FRMD4A: variants seen among roughly 807,000 people sequenced by gnomAD.
The protein encoded by FRMD4A is FERM domain containing 4A.
Under a neutral mutation model 129.1 loss-of-function variants are expected in FRMD4A, and 29 were observed. That is an observed-to-expected ratio of 0.22 (90% CI 0.17 to 0.31). FRMD4A has a LOEUF of 0.31. Ranked by LOEUF, FRMD4A falls within the 10% of genes least tolerant of loss-of-function variation. The pLI, the probability that FRMD4A is intolerant of heterozygous loss-of-function variation, is 1.00. For synonymous variants in FRMD4A, 634 were observed against 571.6 expected, an observed-to-expected ratio of 1.11 and a Z score of -1.56; for missense variants, 1,272 against 1,375.8, an observed-to-expected ratio of 0.92 and a Z score of 1.19.
intron 9 of FRMD4A, among the ~76,000 whole-genome samples, chr10:13,743,354 C>T (rs965908134): frequency 6.6e-6 from 1 of 152,182 alleles, no homozygotes; most frequent in African/African-American, 2.4e-5. Context: ...AAATCAACAG[C>T]TGCCTTGGCG....
At chr10:13,992,463 G>A (rs1211116760) in intron 2 of FRMD4A, among the ~76,000 whole-genome samples, 2 of 152,148 alleles carry the variant, frequency 1.3e-5, no homozygotes, top group African/African-American at 2.4e-5. Flanking sequence ...CCACCTCCAT[G>A]TCCTGCCTAA....
intron 3 of FRMD4A, among the ~76,000 whole-genome samples, chr10:13,820,056 A>G (rs768615691): frequency 6.6e-6 from 1 of 152,134 alleles, no homozygotes; most frequent in Non-Finnish European, 1.5e-5. Flanking sequence ...TACAGGAGAG[A>G]AGACAGAGGC....
intron 2 of FRMD4A, among the ~76,000 whole-genome samples, chr10:14,324,067 A>G (rs184353368): frequency 4.6e-5 from 7 of 152,358 alleles, no homozygotes; most frequent in African/African-American, 1.7e-4. Context: ...CCCTGGTCAC[A>G]TCAGTCAGTA....
intron 23 of FRMD4A, 150 bp from the exon 24 acceptor site, chr10:13,652,124 T>A (rs997008431): frequency 1.5e-6 from 1 of 666,090 alleles, no homozygotes; most frequent in Non-Finnish European, 2.8e-6. Context: ...ATACAAGTCA[T>A]GCAGTACTTT....
chr10:13,879,964 T>C (rs554001946), intron 2 of FRMD4A, among the ~76,000 whole-genome samples: 1 of 151,848 alleles, frequency 6.6e-6, no homozygotes, highest in Non-Finnish European at 1.5e-5. Flanking sequence ...TACATTATAT[T>C]CTTATTATTT....
intron 2 of FRMD4A, among the ~76,000 whole-genome samples, chr10:14,314,949 GTT>G: frequency 6.7e-6 from 1 of 150,034 alleles, no homozygotes; most frequent in Admixed American, 6.6e-5. Context: ...CTTATATATA[GTT>G]TTTTTTTTAA....
chr10:13,776,380 G>C (rs2092597031), intron 6 of FRMD4A, among the ~76,000 whole-genome samples: 1 of 152,180 alleles, frequency 6.6e-6, no homozygotes, highest in African/African-American at 2.4e-5. Context: ...CAAAGTGCTG[G>C]TATTATAGGT....
At chr10:13,787,643 G>A (rs975376643) in intron 5 of FRMD4A, among the ~76,000 whole-genome samples, 1 of 151,850 alleles carries the variant, frequency 6.6e-6, no homozygotes, top group East Asian at 1.9e-4. Context: ...ATTTTCTGTC[G>A]AGATGGGGTC....
chr10:13,770,699 C>A (rs771326275), intron 6 of FRMD4A, among the ~76,000 whole-genome samples: 23 of 152,174 alleles, frequency 1.5e-4, no homozygotes, highest in Non-Finnish European at 2.6e-4. Flanking sequence ...CTGCCTTGGC[C>A]TCCCAAAGTG....
chr10:14,238,346 T>TCTTAA (rs1158709413), intron 2 of FRMD4A, among the ~76,000 whole-genome samples: 1 of 152,168 alleles, frequency 6.6e-6, no homozygotes, highest in African/African-American at 2.4e-5. Context: ...CAGGCCTGAG[T>TCTTAA]CTTAACCACT....
At chr10:13,784,826 A>G (rs1269468556) in intron 5 of FRMD4A, among the ~76,000 whole-genome samples, 1 of 152,086 alleles carries the variant, frequency 6.6e-6, no homozygotes, top group East Asian at 1.9e-4. Context: ...CCCTGTCTCT[A>G]CTAAAAATAC....
In FRMD4A at chr10:14,198,542, T is replaced by C. The variant is rs149324652; in HGVS notation, c.45+131516A>G. ...AAGCCAATTTCACAGGAGACTTGAC[T>C]GATTCCCTGGATCCTTGAGTTTTGC... On this transcript the variant is annotated intron_variant, in intron 2 of 24. Transcript: ENST00000357447. Among the ~76,000 whole-genome samples, 20 of 152,380 alleles carry C rather than the reference T, an allele frequency of 1.3e-4. 1 individual carries two copies. The East Asian group carries it at 3.9e-3, about 29-fold the overall frequency.
intron 12 of FRMD4A, among the ~76,000 whole-genome samples, chr10:13,726,150 C>T (rs987271479): frequency 3.3e-5 from 5 of 152,048 alleles, no homozygotes; most frequent in East Asian, 1.9e-4. Flanking sequence ...TGCACACGCC[C>T]GTGGCTCCAG....
chr10:13,923,686 C>T (rs1432963886), intron 2 of FRMD4A, among the ~76,000 whole-genome samples: 1 of 152,010 alleles, frequency 6.6e-6, no homozygotes, highest in Non-Finnish European at 1.5e-5. Flanking sequence ...TTTTTAAAAC[C>T]TGGACTATTG....
Position 13,875,966 on chromosome 10 carries a change from C to T in FRMD4A, c.46-17054G>A, listed in dbSNP as rs1373219108. Among the ~76,000 whole-genome samples, 10 of 152,236 alleles carry T rather than the reference C, an allele frequency of 6.6e-5. No homozygotes were observed. In the East Asian group the frequency reaches 1.2e-3, roughly 18 times the overall value. On this transcript the variant is annotated intron_variant, in intron 2 of 24. Transcript: ENST00000357447. ...GGTGGGTTAACTTTGCTTTGGTGGG[C>T]AAAAAATAGACCCAATGAGGGGAAA... is the stretch of plus-strand genomic sequence containing the variant.
At chr10:13,648,925 A>G (rs2081329192) in intron 24 of FRMD4A, among the ~76,000 whole-genome samples, 3 of 152,162 alleles carry the variant, frequency 2.0e-5, no homozygotes, top group African/African-American at 7.2e-5. Flanking sequence ...TCTGAGGGGA[A>G]AAAAAGCTTC....
At chr10:13,912,058 A>C (rs974875857) in intron 2 of FRMD4A, among the ~76,000 whole-genome samples, 3 of 152,194 alleles carry the variant, frequency 2.0e-5, no homozygotes, top group Non-Finnish European at 2.9e-5. Context: ...CCAGTTTCCC[A>C]AAATGAATAT....
intron 2 of FRMD4A, among the ~76,000 whole-genome samples, chr10:14,205,524 G>A (rs1842755999): frequency 6.6e-6 from 1 of 152,156 alleles, no homozygotes; most frequent in South Asian, 2.1e-4. Context: ...TAGAAATTAT[G>A]GGCCGGGTGC....
chr10:14,092,594 G>A (rs79562321), intron 2 of FRMD4A, among the ~76,000 whole-genome samples: 41 of 152,358 alleles, frequency 2.7e-4, no homozygotes, highest in Non-Finnish European at 5.6e-4. Context: ...TTCCATCAGT[G>A]TTCATTGAGT....
Sources: allele counts gnomAD v4.1 joint callset (sites outside exome capture counted in the v4.1 genomes callset), GRCh38; gene constraint gnomAD v4.1.1; transcripts MANE v1.5; gene names NCBI Gene and HGNC (gene_info 2026-07-23, HGNC 2026-07-21).